Variants in DIAPH3 observed in about 807,000 individuals in gnomAD.
The protein encoded by DIAPH3 is diaphanous related formin 3, also known as protein diaphanous homolog 3.
DIAPH3 carries 117 observed loss-of-function variants against 144.3 expected under a neutral mutation model. That is an observed-to-expected ratio of 0.81 (90% CI 0.70 to 0.95). The LOEUF is 0.95. DIAPH3 is among the 40% of genes least tolerant of loss of function. DIAPH3 has a pLI of 0.00. For missense variants in DIAPH3, 1,421 were observed against 1,412.7 expected (o/e 1.01, Z -0.09); for synonymous variants, 519 against 488.9 (o/e 1.06, Z -0.81).
intron 25 of DIAPH3, among the ~76,000 whole-genome samples, chr13:59,796,100 C>T (rs1047138074): frequency 2.6e-5 from 4 of 152,128 alleles, no homozygotes; most frequent in Non-Finnish European, 5.9e-5. Flanking sequence ...CCTATTCCTG[C>T]GGATAACTGA....
chr13:59,878,657 G>GA (rs375623541), intron 21 of DIAPH3, among the ~76,000 whole-genome samples: 27 of 151,272 alleles, frequency 1.8e-4, no homozygotes, highest in African/African-American at 5.8e-4. Flanking sequence ...AGACACAGGA[G>GA]AAAAAAAAGG....
At chr13:60,128,910 G>C (rs946241810) in intron 2 of DIAPH3, among the ~76,000 whole-genome samples, 2 of 152,054 alleles carry the variant, frequency 1.3e-5, no homozygotes, top group African/African-American at 4.8e-5. Context: ...GAGAAGCAGA[G>C]AGTTTAGGAG....
chr13:59,871,622 A>G (rs908454697), intron 21 of DIAPH3, among the ~76,000 whole-genome samples: 1 of 152,226 alleles, frequency 6.6e-6, no homozygotes, highest in Non-Finnish European at 1.5e-5. Context: ...GCCAGGATGC[A>G]TAGAATTAAA....
intron 12 of DIAPH3, 127 bp downstream of exon 12, chr13:59,991,031 A>G (rs1324088368): frequency 6.3e-6 from 4 of 633,678 alleles, no homozygotes; most frequent in Non-Finnish European, 1.1e-5. Context: ...AAAACAACAC[A>G]TTCTATGAAT....
intron 27 of DIAPH3, among the ~76,000 whole-genome samples, chr13:59,724,957 A>C (rs2035536282): frequency 6.6e-6 from 1 of 152,208 alleles, no homozygotes; most frequent in South Asian, 2.1e-4. Flanking sequence ...TTATTTATCA[A>C]GGACTGTATT....
At chr13:59,913,024 C>A (rs1444963596) in intron 19 of DIAPH3, among the ~76,000 whole-genome samples, 2 of 152,208 alleles carry the variant, frequency 1.3e-5, no homozygotes, top group East Asian at 1.9e-4. Flanking sequence ...GATTTCCCCA[C>A]ATAAATAGAA....
At chr13:60,034,797 G>A (rs906640407) in intron 5 of DIAPH3, 7 of 151,956 alleles carry the variant, frequency 4.6e-5, no homozygotes, top group Admixed American at 2.0e-4. Flanking sequence ...TTTTCTCCCC[G>A]TTATACTTAA....
chr13:59,667,855 G>A (rs2032112691), intron 27 of DIAPH3, among the ~76,000 whole-genome samples: 1 of 152,218 alleles, frequency 6.6e-6, no homozygotes. Flanking sequence ...TGACTTTGGA[G>A]CACAAGCAGT....
At chr13:60,023,377 T>C (rs575105504) in intron 5 of DIAPH3, among the ~76,000 whole-genome samples, 6 of 152,278 alleles carry the variant, frequency 3.9e-5, no homozygotes, top group East Asian at 1.9e-4. Flanking sequence ...GTTTAGTTCA[T>C]GAAATTCGCA....
chr13:60,118,595 G>A (rs888012026), intron 2 of DIAPH3, among the ~76,000 whole-genome samples: 1 of 152,074 alleles, frequency 6.6e-6, no homozygotes, highest in Admixed American at 6.6e-5. Flanking sequence ...CTTACACGAC[G>A]CTTAAGAGGG....
chr13:59,743,014 A>C (rs957611386), intron 27 of DIAPH3, among the ~76,000 whole-genome samples: 1 of 152,146 alleles, frequency 6.6e-6, no homozygotes, highest in Non-Finnish European at 1.5e-5. Flanking sequence ...GGGAACTGCC[A>C]GTGGCTCAAT....
chr13:59,934,958 G>A (rs1239651852), intron 17 of DIAPH3, among the ~76,000 whole-genome samples: 1 of 152,172 alleles, frequency 6.6e-6, no homozygotes, highest in African/African-American at 2.4e-5. Context: ...CTGAGGGAGG[G>A]AAGAGAAATG....
chr13:59,936,442 G>A (rs1276268224), intron 17 of DIAPH3, among the ~76,000 whole-genome samples: 1 of 152,086 alleles, frequency 6.6e-6, no homozygotes, highest in Non-Finnish European at 1.5e-5. Context: ...AGAAAAACAA[G>A]AGTTCAAATC....
At chr13:60,067,260 G>A (rs1401155842) in intron 4 of DIAPH3, among the ~76,000 whole-genome samples, 1 of 151,744 alleles carries the variant, frequency 6.6e-6, no homozygotes, top group Non-Finnish European at 1.5e-5. Flanking sequence ...ACTCCAGCCT[G>A]AGCGACAGTG....
intron 24 of DIAPH3, among the ~76,000 whole-genome samples, chr13:59,814,090 AATAAT>A (rs1254239875): frequency 4.6e-5 from 7 of 152,114 alleles, no homozygotes; most frequent in Non-Finnish European, 8.8e-5. Context: ...ACAATAAATA[AATAAT>A]ATATCATGTA....
intron 20 of DIAPH3, among the ~76,000 whole-genome samples, chr13:59,899,694 T>A (rs2046326041): frequency 6.6e-6 from 1 of 152,232 alleles, no homozygotes; most frequent in Non-Finnish European, 1.5e-5. Context: ...ATTATGTGAC[T>A]GAAGTCGTTG....
At chr13:59,874,408 T>C (rs968222676) in intron 21 of DIAPH3, among the ~76,000 whole-genome samples, 2 of 152,198 alleles carry the variant, frequency 1.3e-5, no homozygotes, top group South Asian at 4.1e-4. Flanking sequence ...CCATCACAGC[T>C]CTGATGAAGT....
intron 14 of DIAPH3, among the ~76,000 whole-genome samples, chr13:59,974,857 C>T (rs1281505722): frequency 1.3e-5 from 2 of 152,082 alleles, no homozygotes; most frequent in African/African-American, 4.8e-5. Flanking sequence ...TGAAACTTAT[C>T]TGAAGTATAT....
At chr13:59,714,611 T>TG (rs1216667723) in intron 27 of DIAPH3, among the ~76,000 whole-genome samples, 2 of 152,182 alleles carry the variant, frequency 1.3e-5, no homozygotes, top group Admixed American at 6.5e-5. Context: ...ACCTTTTTTT[T>TG]GTCCCCCCTT....
Sources: allele counts gnomAD v4.1 joint callset (sites outside exome capture counted in the v4.1 genomes callset), GRCh38; gene constraint gnomAD v4.1.1; transcripts MANE v1.5; gene names NCBI Gene and HGNC (gene_info 2026-07-23, HGNC 2026-07-21).